The following CEP112 variants were observed in gnomAD, a reference collection of about 807,000 sequenced individuals.
CEP112 encodes centrosomal protein of 112 kDa.
CEP112 carries 127 observed loss-of-function variants against 153.0 expected under a neutral mutation model. The ratio of observed to expected loss-of-function variants is 0.83; its 90% CI spans 0.72 to 0.96. The LOEUF is 0.96. Among genes scored for constraint, CEP112 ranks in the 40% least tolerant of loss-of-function variants. The pLI, the probability that CEP112 is intolerant of heterozygous loss-of-function variation, is 0.00. For missense variants in CEP112, 1,089 were observed against 1,101.2 expected (o/e 0.99, Z 0.16); for synonymous variants, 358 against 374.4 (o/e 0.96, Z 0.51).
At chr17:65,681,767 T>G (rs1196346294) in intron 24 of CEP112, among the ~76,000 whole-genome samples, 1 of 150,036 alleles carries the variant, frequency 6.7e-6, no homozygotes. Context: ...TCTGCCTCCC[T>G]GGCTCAAGGG....
rs138562847 is a variant in CEP112, at chr17:65,689,391, T to C, written c.2608-173A>G. On this transcript the variant is annotated intron_variant, in intron 23 of 26. Transcript: ENST00000535342. ...TGTGTCAGGCCAAGATGTTTTCTGC[T>C]TTAAGAATACCTAGTATAAAAAATT... Among the ~76,000 whole-genome samples the C allele has an allele frequency of 2.6e-5, 4 of 152,066 alleles. No individual in the cohort carries two copies. The East Asian group carries it at 7.8e-4, about 29-fold the overall frequency.
chr17:65,840,131 A>G (rs1270673315), intron 21 of CEP112, among the ~76,000 whole-genome samples: 1 of 152,098 alleles, frequency 6.6e-6, no homozygotes, highest in African/African-American at 2.4e-5. Context: ...CAAAACACCA[A>G]TGAGATTCTT....
At chr17:65,787,199 G>A (rs1198888229) in intron 21 of CEP112, among the ~76,000 whole-genome samples, 1 of 152,168 alleles carries the variant, frequency 6.6e-6, no homozygotes, top group Non-Finnish European at 1.5e-5. Flanking sequence ...TGGGCCTTAG[G>A]CCAGGCACAG....
At chr17:66,045,733 T>A (rs1949446) in intron 12 of CEP112, among the ~76,000 whole-genome samples, 113,612 of 152,168 alleles carry the variant, frequency 0.75, 45,096 homozygotes, top group East Asian at 0.91. Context: ...CATAATTTAT[T>A]AAATTTATTT....
chr17:65,960,808 C>T (rs1356517340), intron 18 of CEP112, among the ~76,000 whole-genome samples: 2 of 152,128 alleles, frequency 1.3e-5, no homozygotes. Flanking sequence ...TGACTGTATA[C>T]ACTCAATTAA....
At chr17:66,026,431 A>C (rs951188303) in intron 16 of CEP112, among the ~76,000 whole-genome samples, 2 of 148,340 alleles carry the variant, frequency 1.3e-5, no homozygotes, top group African/African-American at 5.0e-5. Context: ...ATCTTTTTCA[A>C]GTAGTAGTCA....
chr17:65,960,349 T>TA (rs1174147080), intron 18 of CEP112, among the ~76,000 whole-genome samples: 2 of 152,098 alleles, frequency 1.3e-5, no homozygotes, highest in East Asian at 1.9e-4. Context: ...ATATAATTTT[T>TA]AAAAAAACAA....
At chr17:65,661,463 T>C (rs921580956) in intron 24 of CEP112, among the ~76,000 whole-genome samples, 2 of 152,208 alleles carry the variant, frequency 1.3e-5, no homozygotes, top group South Asian at 2.1e-4. Flanking sequence ...GGCTTATCCA[T>C]AGTCACACAG....
rs577546962 is a variant in CEP112 at position 65,809,335 on chromosome 17, T to C, written c.2394+42469A>G. 2.6e-5 allele frequency among the ~76,000 whole-genome samples: 4 copies of C among 152,232 alleles called. No individual in the cohort carries two copies. The South Asian group carries it at 6.2e-4, about 24-fold the overall frequency. On this transcript the variant is annotated intron_variant, in intron 21 of 26. Transcript: ENST00000535342. ...TTGTTTCAATACTGATGAGAAGCCATTGGAGGGTTTTTAGCATGGAATTAT... is the reference window on the plus strand; with the variant it reads ...TTGTTTCAATACTGATGAGAAGCCACTGGAGGGTTTTTAGCATGGAATTAT...
intron 21 of CEP112, among the ~76,000 whole-genome samples, chr17:65,832,892 C>A (rs1438859883): frequency 6.6e-6 from 1 of 151,824 alleles, no homozygotes; most frequent in Non-Finnish European, 1.5e-5. Flanking sequence ...CTGGAACAGA[C>A]AAAACAACAA....
intron 24 of CEP112, among the ~76,000 whole-genome samples, chr17:65,685,379 G>A (rs1461665648): frequency 2.6e-5 from 4 of 152,158 alleles, no homozygotes; most frequent in African/African-American, 9.7e-5. Context: ...AAAAAAAGCA[G>A]CTTAGGATTG....
Position 66,078,257 on chromosome 17 carries a change from CTTTTTCT to C in CEP112, c.769-8263_769-8257del, listed in dbSNP as rs1568465855. Among the ~76,000 whole-genome samples, 245 of 50,756 alleles carry C rather than the reference CTTTTTCT, an allele frequency of 4.8e-3. 1 individual carries two copies. Among genetic ancestry groups the C allele is most frequent in the African/African-American group, 0.011 (191 of 17,532 alleles). The allele number at this position is 50,756 out of a possible 152,430, so 33.3% of individuals were successfully genotyped here. A position where few individuals can be genotyped will look rare whatever the true frequency, so the allele number is the denominator to read the frequency against. On this transcript the variant is annotated intron_variant, in intron 8 of 26. Transcript: ENST00000535342. ...GTATCTTTTTTTTTTCTTTTCTTTT[CTTTTTCT>C]TTTTTTTTTTTTTGAGACGGAGTCT...
chr17:65,945,623 G>A (rs1343470605), intron 18 of CEP112, among the ~76,000 whole-genome samples: 1 of 152,016 alleles, frequency 6.6e-6, no homozygotes, highest in Non-Finnish European at 1.5e-5. Context: ...GCATTCCCCT[G>A]ATGACTAAAG....
intron 21 of CEP112, among the ~76,000 whole-genome samples, chr17:65,761,695 G>A (rs1305516589): frequency 6.6e-6 from 1 of 151,940 alleles, no homozygotes; most frequent in African/African-American, 2.4e-5. Flanking sequence ...AAAGTATTTG[G>A]GGATTTCCAC....
At chr17:66,173,912 C>A (rs2072350787) in intron 4 of CEP112, among the ~76,000 whole-genome samples, 1 of 151,860 alleles carries the variant, frequency 6.6e-6, no homozygotes. Flanking sequence ...TGGACTGGAT[C>A]TCTCACTTTT....
chr17:65,692,882 G>C (rs937388268), intron 23 of CEP112, among the ~76,000 whole-genome samples: 1 of 152,086 alleles, frequency 6.6e-6, no homozygotes, highest in African/African-American at 2.4e-5. Context: ...ATAAACATTT[G>C]AACTCTACTC....
chr17:66,099,849 T>C (rs1016798576), intron 6 of CEP112, among the ~76,000 whole-genome samples: 1 of 152,164 alleles, frequency 6.6e-6, no homozygotes, highest in Non-Finnish European at 1.5e-5. Flanking sequence ...TTGATTCCCA[T>C]ATCTCCCCAC....
Position 65,891,544 on chromosome 17 carries a change from C to T in CEP112, c.2163+10608G>A, listed in dbSNP as rs527966367. Among the ~76,000 whole-genome samples, 38 of 152,252 alleles carry T rather than the reference C, an allele frequency of 2.5e-4. No individual in the cohort carries two copies. The East Asian group carries it at 6.8e-3, about 27-fold the overall frequency. ...TTCTTCTTCCCCTCATTCCCCACAC[C>T]CAACCCATCTGCAAGTCCTGCTGCC... On this transcript the variant is annotated intron_variant, in intron 20 of 26. Coordinates refer to ENST00000535342, the MANE Select transcript of CEP112 (RefSeq NM_001199165.4).
In CEP112 at chr17:65,970,110, C is replaced by T. The variant is rs538210253; in HGVS notation, c.1737-8512G>A. On this transcript the variant is annotated intron_variant, in intron 17 of 26. Transcript: ENST00000535342. ...CTGCATATTACATGTATGCATAGCA[C>T]ATGCATATCGCATGTATATTGCATT... is the stretch of plus-strand genomic sequence containing the variant. 3.9e-5 allele frequency among the ~76,000 whole-genome samples: 6 copies of T among 152,322 alleles called. No individual in the cohort carries two copies. The South Asian group carries it at 1.2e-3, about 32-fold the overall frequency.
Sources: gnomAD v4.1 joint callset for allele counts (sites outside exome capture counted in the v4.1 genomes callset) on GRCh38, gnomAD v4.1.1 for gene constraint, MANE v1.5 for transcripts, NCBI Gene and HGNC (gene_info 2026-07-23, HGNC 2026-07-21) for gene names.